The following ME1 variants were observed in gnomAD, a reference collection of about 807,000 sequenced individuals.
The protein encoded by ME1 is malic enzyme 1, also known as NADP-dependent malic enzyme.
In ME1, 74 loss-of-function variants were observed where a neutral mutation model predicts 66.4. That is an observed-to-expected ratio of 1.11 (90% CI 0.92 to 1.35). The LOEUF (loss-of-function observed/expected upper bound fraction) is 1.35, where lower values mean the gene tolerates loss of function less well. Among genes scored for constraint, ME1 ranks in the 40% most tolerant of loss-of-function variants. The pLI is 0.00. For missense variants in ME1, 750 were observed against 694.1 expected (o/e 1.08, Z -0.90); for synonymous variants, 251 against 235.6 (o/e 1.07, Z -0.60).
intron 6 of ME1, among the ~76,000 whole-genome samples, chr6:83,287,567 G>T (rs145775271): frequency 3.9e-5 from 6 of 152,150 alleles, no homozygotes; most frequent in Non-Finnish European, 5.9e-5. Flanking sequence ...TGGACATTTG[G>T]GTTGGTTCCA....
At chr6:83,357,077 C>T (rs1407394941) in intron 3 of ME1, among the ~76,000 whole-genome samples, 4 of 152,140 alleles carry the variant, frequency 2.6e-5, no homozygotes, top group Non-Finnish European at 2.9e-5. Flanking sequence ...GAATGTCCCT[C>T]TATTTGAGTT....
intron 6 of ME1, among the ~76,000 whole-genome samples, chr6:83,254,449 T>G (rs1428845227): frequency 6.6e-6 from 1 of 152,158 alleles, no homozygotes; most frequent in Non-Finnish European, 1.5e-5. Context: ...GCCCCATCTC[T>G]TAATACTTTC....
chr6:83,287,477 A>G (rs1047147348), intron 6 of ME1, among the ~76,000 whole-genome samples: 3 of 151,960 alleles, frequency 2.0e-5, no homozygotes, highest in Admixed American at 1.3e-4. Flanking sequence ...TGCAAAGAAC[A>G]TGAACTCATC....
At position 83,367,880 on chromosome 6, in the gene ME1, A is replaced by G. The variant is rs546451468; in HGVS notation, c.363-15741T>C. Reference sequence around the variant, plus strand: ...CAAGAAGTTTTCCTTTGCATTCACAACTTGGATAACAGTTTGGCACAAGAG... The same window carrying G: ...CAAGAAGTTTTCCTTTGCATTCACAGCTTGGATAACAGTTTGGCACAAGAG... On this transcript the variant is annotated intron_variant, in intron 3 of 13. Coordinates refer to ENST00000369705, the MANE Select transcript of ME1 (RefSeq NM_002395.6). Among the ~76,000 whole-genome samples the G allele has an allele frequency of 3.9e-5, 6 of 152,326 alleles. No individual in the cohort carries two copies. In the South Asian group the frequency reaches 1.2e-3, roughly 32 times the overall value.
chr6:83,246,451 A>T (rs1270547213), intron 7 of ME1, among the ~76,000 whole-genome samples: 1 of 152,104 alleles, frequency 6.6e-6, no homozygotes, highest in East Asian at 1.9e-4. Context: ...TATATTCAAA[A>T]AATTTTAATT....
chr6:83,388,091 C>CTTTCTTTTTTTTTTTTTT (rs71545856), intron 3 of ME1, among the ~76,000 whole-genome samples: 1 of 133,394 alleles, frequency 7.5e-6, no homozygotes, highest in African/African-American at 2.8e-5. Flanking sequence ...TCCTTCCTTC[C>CTTTCTTTTTTTTTTTTTT]TTTTTTTTTT....
intron 8 of ME1, among the ~76,000 whole-genome samples, chr6:83,239,197 C>A (rs561597270): frequency 8.6e-5 from 13 of 151,938 alleles, no homozygotes; most frequent in African/African-American, 3.1e-4. Flanking sequence ...ATACTAAAAG[C>A]CAGTATCAGA....
intron 3 of ME1, among the ~76,000 whole-genome samples, chr6:83,380,106 G>A (rs1384044224): frequency 1.3e-5 from 2 of 151,862 alleles, no homozygotes; most frequent in Admixed American, 6.6e-5. Context: ...TAAGTTCAGG[G>A]GTATAGCTGA....
At chr6:83,392,659 C>G in intron 3 of ME1, 1 of 593,386 alleles carries the variant, frequency 1.7e-6, no homozygotes, top group Non-Finnish European at 3.2e-6. Flanking sequence ...GGGGCAAGAT[C>G]TCACCAAAAT....
intron 6 of ME1, among the ~76,000 whole-genome samples, chr6:83,297,806 T>C (rs891024199): frequency 5.3e-5 from 8 of 152,148 alleles, no homozygotes; most frequent in Non-Finnish European, 1.2e-4. Context: ...GTTCTCATTG[T>C]TCACCTCCCA....
rs570746440 is a variant in ME1 at position 83,353,941 on chromosome 6, A to C, written c.363-1802T>G. Among the ~76,000 whole-genome samples the C allele has an allele frequency of 2.6e-5, 4 of 152,086 alleles. 1 individual carries two copies. In the South Asian group the frequency reaches 8.3e-4, roughly 32 times the overall value. ...GACATTGTTGGTTTTCCCTTTTGTGAAACACTTTCTTTTCTAGCTGCTGAG... is the reference window on the plus strand; with the variant it reads ...GACATTGTTGGTTTTCCCTTTTGTGCAACACTTTCTTTTCTAGCTGCTGAG... On this transcript the variant is annotated intron_variant, in intron 3 of 13. Transcript: ENST00000369705.
At chr6:83,216,728 A>G (rs1790002754) in intron 12 of ME1, 132 bp from the exon 13 acceptor site, 1 of 568,012 alleles carries the variant, frequency 1.8e-6, no homozygotes, top group South Asian at 2.5e-5. Flanking sequence ...TGATTACCTA[A>G]TTTCATCCCC....
chr6:83,397,989 CG>C, intron 3 of ME1, among the ~76,000 whole-genome samples: 1 of 152,000 alleles, frequency 6.6e-6, no homozygotes, highest in Non-Finnish European at 1.5e-5. Context: ...GTAGGGGGAG[CG>C]GGTTGCGGGA....
chr6:83,320,883 G>A (rs1768157203), intron 5 of ME1, among the ~76,000 whole-genome samples: 1 of 152,176 alleles, frequency 6.6e-6, no homozygotes, highest in Admixed American at 6.5e-5. Flanking sequence ...AATAGGAACA[G>A]CTCCGGTCTG....
chr6:83,238,799 A>ATATATATATATATATATATATGT (rs1554263094), intron 8 of ME1, among the ~76,000 whole-genome samples: 1 of 139,290 alleles, frequency 7.2e-6, no homozygotes, highest in Non-Finnish European at 1.6e-5. Flanking sequence ...TTTCTTGAAA[A>ATATATATATATATATATATATGT]ATATATATAT....
chr6:83,212,468 C>T (rs1357177604), intron 13 of ME1, among the ~76,000 whole-genome samples: 1 of 152,102 alleles, frequency 6.6e-6, no homozygotes, highest in Non-Finnish European at 1.5e-5. Flanking sequence ...TTCAAGAATC[C>T]CTATTCTCAC....
chr6:83,400,020 C>T (rs1356170136), intron 2 of ME1, among the ~76,000 whole-genome samples: 1 of 152,180 alleles, frequency 6.6e-6, no homozygotes, highest in African/African-American at 2.4e-5. Context: ...GGAGATATTC[C>T]TCAGGGCTCA....
At chr6:83,411,423 A>T (rs1770047021) in intron 1 of ME1, among the ~76,000 whole-genome samples, 1 of 152,182 alleles carries the variant, frequency 6.6e-6, no homozygotes. Flanking sequence ...ACCCTTTACA[A>T]GTTAAAAGAA....
intron 3 of ME1, among the ~76,000 whole-genome samples, chr6:83,359,131 G>A (rs368799147): frequency 2.6e-5 from 4 of 151,452 alleles, no homozygotes; most frequent in East Asian, 3.9e-4. Flanking sequence ...GGCAGGGGCT[G>A]GGCAGAGGCA....
Sources: allele counts gnomAD v4.1 joint callset (sites outside exome capture counted in the v4.1 genomes callset), GRCh38; gene constraint gnomAD v4.1.1; transcripts MANE v1.5; gene names NCBI Gene and HGNC (gene_info 2026-07-23, HGNC 2026-07-21).